SAMD5: variants seen among roughly 807,000 people sequenced by gnomAD.
The protein encoded by SAMD5 is sterile alpha motif domain-containing protein 5.
Under a neutral mutation model 11.3 loss-of-function variants are expected in SAMD5, and 13 were observed. That is an observed-to-expected ratio of 1.15 (90% CI 0.75 to 1.83). SAMD5 has a LOEUF of 1.83. SAMD5 is among the 40% of genes most tolerant of loss of function. The pLI, the probability that SAMD5 is intolerant of heterozygous loss-of-function variation, is 0.00. For missense variants in SAMD5, 255 were observed against 239.1 expected, an observed-to-expected ratio of 1.07 and a Z score of -0.44; for synonymous variants, 129 against 111.3, an observed-to-expected ratio of 1.16 and a Z score of -1.00.
chr6:147,717,780 T>TTGCAGTGATGCAGTG (rs1791489160), intron 1 of SAMD5, among the ~76,000 whole-genome samples: 1 of 151,904 alleles, frequency 6.6e-6, no homozygotes, highest in Non-Finnish European at 1.5e-5. Context: ...GAGGTGGAGG[T>TTGCAGTGATGCAGTG]TGCAGTGATG....
chr6:147,718,575 A>G (rs1791500182), intron 1 of SAMD5, among the ~76,000 whole-genome samples: 1 of 152,188 alleles, frequency 6.6e-6, no homozygotes, highest in Non-Finnish European at 1.5e-5. Flanking sequence ...TAAGCAAAGT[A>G]AATCCAAAGA....
At chr6:147,671,707 A>G (rs1790797497) in intron 1 of SAMD5, among the ~76,000 whole-genome samples, 1 of 152,092 alleles carries the variant, frequency 6.6e-6, no homozygotes, top group Non-Finnish European at 1.5e-5. Flanking sequence ...GTTTTCATAA[A>G]AATTTTGGAT....
At chr6:147,710,110 G>A (rs1490344209) in intron 1 of SAMD5, among the ~76,000 whole-genome samples, 7 of 152,198 alleles carry the variant, frequency 4.6e-5, no homozygotes, top group Middle Eastern at 3.4e-3. Context: ...TCATGCCTCC[G>A]GGCCTTTGCA....
Position 147,657,254 on chromosome 6 carries a change from G to A in SAMD5, c.163-80063G>A, listed in dbSNP as rs142119652. On this transcript the variant is annotated intron_variant, in intron 1 of 1. Transcript: ENST00000566741. ...GAAAATGGTATAAAAGGCACATTTG[G>A]GACAACTGATAAAACTTGGAATATT... 2.5e-3 allele frequency among the ~76,000 whole-genome samples: 375 copies of A among 152,054 alleles called. 1 individual carries two copies. Among genetic ancestry groups the A allele is most frequent in the Middle Eastern group, 0.01 (3 of 292 alleles).
At chr6:147,819,264 G>A in the SAMD5 span, among the ~76,000 whole-genome samples, 1 of 152,108 alleles carries the variant, frequency 6.6e-6, no homozygotes, top group Non-Finnish European at 1.5e-5. Flanking sequence ...AGTTATAAGT[G>A]GAGCTAAATG....
chr6:147,870,761 C>G, the SAMD5 span, among the ~76,000 whole-genome samples: 102,674 of 142,668 alleles, frequency 0.72, 36,403 homozygotes, highest in Admixed American at 0.77. Flanking sequence ...GGCAGGAAGT[C>G]GGGGAAGGAG....
chr6:147,682,305 T>C (rs775909522), intron 1 of SAMD5, among the ~76,000 whole-genome samples: 2 of 152,226 alleles, frequency 1.3e-5, no homozygotes, highest in African/African-American at 4.8e-5. Flanking sequence ...AGATTTTGTC[T>C]GGTTTGTAGT....
chr6:147,808,859 TA>T, the SAMD5 span, among the ~76,000 whole-genome samples: 1 of 152,202 alleles, frequency 6.6e-6, no homozygotes, highest in Non-Finnish European at 1.5e-5. Context: ...CGAGGCACAA[TA>T]ATCCATTTCC....
At chr6:147,659,942 G>A (rs549581879) in intron 1 of SAMD5, among the ~76,000 whole-genome samples, 4 of 152,186 alleles carry the variant, frequency 2.6e-5, no homozygotes, top group African/African-American at 7.2e-5. Context: ...TGGCCAGGAC[G>A]TCCTAATAGG....
chr6:147,584,125 C>G (rs576733046), intron 1 of SAMD5, among the ~76,000 whole-genome samples: 1 of 152,066 alleles, frequency 6.6e-6, no homozygotes, highest in East Asian at 1.9e-4. Context: ...ATTGGTGTGA[C>G]TATAGGCATT....
chr6:147,827,373 G>A, the SAMD5 span, among the ~76,000 whole-genome samples: 2 of 152,086 alleles, frequency 1.3e-5, no homozygotes, highest in Non-Finnish European at 2.9e-5. Context: ...ATAGTGAAAT[G>A]ATAAACTCAG....
the SAMD5 span, among the ~76,000 whole-genome samples, chr6:147,776,196 C>T: frequency 6.6e-6 from 1 of 152,136 alleles, no homozygotes; most frequent in Non-Finnish European, 1.5e-5. Context: ...AGGATTATGC[C>T]TTGCTCAGGA....
the SAMD5 span, among the ~76,000 whole-genome samples, chr6:147,920,142 G>A: frequency 6.6e-6 from 1 of 152,172 alleles, no homozygotes; most frequent in African/African-American, 2.4e-5. Flanking sequence ...TGCCAAAGGA[G>A]ATTAACATTT....
At chr6:147,871,440 AAAAAAC>A in the SAMD5 span, among the ~76,000 whole-genome samples, 12 of 152,320 alleles carry the variant, frequency 7.9e-5, no homozygotes, top group East Asian at 1.3e-3. Flanking sequence ...ACTGAAACGG[AAAAAAC>A]AAAAACAAAA....
chr6:147,928,523 C>T, the SAMD5 span, among the ~76,000 whole-genome samples: 1 of 152,004 alleles, frequency 6.6e-6, no homozygotes, highest in South Asian at 2.1e-4. Flanking sequence ...TCTTCTTTGT[C>T]ATTTCTATTT....
At chr6:147,936,659 C>A in the SAMD5 span, among the ~76,000 whole-genome samples, 2 of 152,086 alleles carry the variant, frequency 1.3e-5, no homozygotes, top group Non-Finnish European at 2.9e-5. Context: ...ACTACGTCAA[C>A]CATCATAAGG....
chr6:147,697,093 T>G (rs962461631), intron 1 of SAMD5, among the ~76,000 whole-genome samples: 1 of 152,110 alleles, frequency 6.6e-6, no homozygotes, highest in Admixed American at 6.5e-5. Flanking sequence ...AGGTCCCTTT[T>G]GGGAGGGCGC....
chr6:147,564,607 T>C lies in SAMD5; in HGVS notation c.*151T>C, dbSNP rs1789007221. The C allele has an allele frequency of 1.4e-6, 2 of 1,444,112 alleles. No individual in the cohort carries two copies. Among genetic ancestry groups the C allele is most frequent in the Non-Finnish European group, 1.8e-6 (2 of 1,095,982 alleles). The allele number at this position is 1,444,112 out of a possible 1,614,324, so 89.5% of individuals were successfully genotyped here. On this transcript the variant is annotated 3_prime_UTR_variant, in exon 2 of 2. Coordinates refer to ENST00000367474, the MANE Select transcript of SAMD5 (RefSeq NM_001030060.3). ...TTTGCTTGGACAAATTCTGGAATAATCAACTTAGTAAACTGGGTAACTGGC... is the reference window on the plus strand; with the variant it reads ...TTTGCTTGGACAAATTCTGGAATAACCAACTTAGTAAACTGGGTAACTGGC...
the SAMD5 span, among the ~76,000 whole-genome samples, chr6:147,814,876 A>G: frequency 2.0e-5 from 3 of 152,272 alleles, no homozygotes; most frequent in African/African-American, 7.2e-5. Flanking sequence ...GGTTTTAAAC[A>G]TTTCCCCCAA....
Sources: allele counts gnomAD v4.1 joint callset (sites outside exome capture counted in the v4.1 genomes callset), GRCh38; gene constraint gnomAD v4.1.1; transcripts MANE v1.5; gene names NCBI Gene and HGNC (gene_info 2026-07-23, HGNC 2026-07-21).